Variants in COL18A1 observed in about 807,000 individuals in gnomAD.
COL18A1 encodes collagen type XVIII alpha 1 chain, also known as collagen alpha-1(XVIII) chain.
A neutral mutation model predicts 168.0 loss-of-function variants in COL18A1; 133 were observed. The observed-to-expected ratio is 0.79, with a 90% confidence interval of 0.69 to 0.91. The LOEUF (loss-of-function observed/expected upper bound fraction) is 0.91, where lower values mean the gene tolerates loss of function less well. COL18A1 is among the 40% of genes least tolerant of loss of function. COL18A1 has a pLI of 0.00. For missense variants in COL18A1, 2,126 were observed against 1,925.4 expected, an observed-to-expected ratio of 1.10 and a Z score of -1.95; for synonymous variants, 949 against 809.0, an observed-to-expected ratio of 1.17 and a Z score of -2.94.
At chr21:45,490,030 T>G (rs1602533041) in intron 19 of COL18A1, among the ~76,000 whole-genome samples, 1 of 1,216 alleles carries the variant, frequency 8.2e-4, no homozygotes, top group South Asian at 0.071. Flanking sequence ...CCTCCCCCAC[T>G]TCCCCGTCCC....
intron 12 of COL18A1, 51 bp from the exon 13 acceptor site, chr21:45,480,649 C>T (rs1275171820): frequency 1.2e-6 from 2 of 1,611,300 alleles, no homozygotes; most frequent in Non-Finnish European, 1.7e-6. Flanking sequence ...TGGTGGTCAT[C>T]CCTGGTGGGT....
chr21:45,411,038 G>T (rs771790918), intron 2 of COL18A1, among the ~76,000 whole-genome samples: 1 of 152,200 alleles, frequency 6.6e-6, no homozygotes, highest in Non-Finnish European at 1.5e-5. Context: ...GTTTTGGGAG[G>T]AATCACTCAA....
Position 45,497,592 on chromosome 21 carries a change from C to A in COL18A1, c.2621-7C>A, listed in dbSNP as rs776722237. ...TCCTGATGGGCACTGGGTCTCTCTTCCTCCAGGGAATCAGGGCCCTCCAGG... is the reference window on the plus strand; with the variant it reads ...TCCTGATGGGCACTGGGTCTCTCTTACTCCAGGGAATCAGGGCCCTCCAGG... On this transcript the variant is annotated splice_region_variant and splice_polypyrimidine_tract_variant and intron_variant, in intron 31 of 41. Coordinates refer to ENST00000651438, the MANE Select transcript of COL18A1 (RefSeq NM_001379500.1). 3 of 1,558,528 alleles carry A rather than the reference C, an allele frequency of 1.9e-6. No individual in the cohort carries two copies. The highest frequency in any genetic ancestry group is 1.4e-5 in the African/African-American group (1 of 73,370).
intron 32 of COL18A1, 51 bp from the exon 33 acceptor site, chr21:45,503,960 G>T (rs79785371): frequency 9.9e-6 from 16 of 1,609,576 alleles, no homozygotes; most frequent in South Asian, 3.3e-5. Flanking sequence ...GAGGGAACCC[G>T]GCGCTGTCAG....
rs1010199710 is a variant in COL18A1, at chr21:45,477,790, G to A, written c.1046G>A (p.Gly349Asp). ...KGQKGEPGVP[G>D]PPGRAGPPGS... Reference sequence around the variant, plus strand: ...CAGAAAGGGGAGCCAGGTGTTCCGGGCCCACCTGGCCGGGCAGGCCCCCCA... The same window carrying A: ...CAGAAAGGGGAGCCAGGTGTTCCGGACCCACCTGGCCGGGCAGGCCCCCCA... The change falls in exon 8 of 42, where the codon GGC (glycine) becomes GAC (aspartate). Residue 349 changes from glycine to aspartate, a missense_variant. Gly to Asp is a moderately conservative substitution (Grantham distance 94). Coordinates refer to ENST00000651438, the MANE Select transcript of COL18A1 (RefSeq NM_001379500.1). 3 of 1,547,940 alleles carry A rather than the reference G, an allele frequency of 1.9e-6. 1 individual carries two copies. The South Asian group carries it at 3.6e-5, about 18-fold the overall frequency.
chr21:45,409,194 AGAC>A, intron 2 of COL18A1, among the ~76,000 whole-genome samples: 1 of 152,250 alleles, frequency 6.6e-6, no homozygotes, highest in Admixed American at 6.5e-5. Context: ...TCAGAGAACA[AGAC>A]GACAGGCCTG....
chr21:45,410,069 T>C (rs1602326447), intron 2 of COL18A1: 1 of 152,224 alleles, frequency 6.6e-6, no homozygotes, highest in Non-Finnish European at 1.5e-5. Context: ...GGGAAGTGTC[T>C]GTGCCCCGTG....
chr21:45,493,202 G>A lies in COL18A1; in HGVS notation c.2254G>A (p.Glu752Lys), dbSNP rs370009347. 3.7e-5 allele frequency: 58 copies of A among 1,562,626 alleles called. No homozygotes were observed. The highest frequency in any genetic ancestry group is 5.4e-5 in the African/African-American group (4 of 73,714). The change falls in exon 25 of 42, where the codon GAA (glutamate) becomes AAA (lysine). Residue 752 changes from glutamate to lysine, a missense_variant. Physicochemically the swap from Glu to Lys is moderately conservative, Grantham distance 56. Transcript: ENST00000651438. ...CAAGGGCAACCTGGGCTCTAAGGGC[G>A]AACGAGGCTCCCCGGGACCCAAGGT... The part of the protein sequence containing the change: ...GPKGNLGSKG[E>K]RGSPGPKGEK...
At chr21:45,413,166 G>T (rs568004352) in intron 2 of COL18A1, among the ~76,000 whole-genome samples, 11 of 152,370 alleles carry the variant, frequency 7.2e-5, no homozygotes, top group African/African-American at 2.6e-4. Context: ...CCTTAGGGCA[G>T]AGCCCCGTAG....
At position 45,497,677 on chromosome 21, in the gene COL18A1, C is replaced by T; in HGVS notation, c.2683+16C>T. 6.4e-7 allele frequency: 1 copy of T among 1,560,560 alleles called. No homozygotes were observed. The highest frequency in any genetic ancestry group is 8.7e-7 in the Non-Finnish European group (1 of 1,152,822). On this transcript the variant is annotated intron_variant, in intron 32 of 41. Transcript: ENST00000651438. ...GGACCACCAGGTGAGCAACTCTGGA[C>T]ATCCCAGGCAGGAGAGCCATGGCGT...
At chr21:45,469,386 G>A (rs2035334027) in intron 3 of COL18A1, among the ~76,000 whole-genome samples, 1 of 152,250 alleles carries the variant, frequency 6.6e-6, no homozygotes, top group Non-Finnish European at 1.5e-5. Context: ...CACACCCGCT[G>A]GGACCAGGGG....
chr21:45,506,441 C>T (rs901242979), intron 37 of COL18A1: 4 of 278,692 alleles, frequency 1.4e-5, no homozygotes, highest in Non-Finnish European at 2.8e-5. Flanking sequence ...ACGGGCCTTG[C>T]TCACCAGCCT....
chr21:45,443,458 G>A lies in COL18A1; in HGVS notation c.107-24784G>A, dbSNP rs776897596. Among the ~76,000 whole-genome samples, 9 of 152,120 alleles carry A rather than the reference G, an allele frequency of 5.9e-5. No individual in the cohort carries two copies. Among genetic ancestry groups the A allele is most frequent in the Non-Finnish European group, 1.0e-4 (7 of 68,004 alleles). Reference sequence around the variant, plus strand: ...GGCCCTCACAGCCCAGCTCGGCATCGCAGCAGAGTCCCGGTGGTGGAGATG... The same window carrying A: ...GGCCCTCACAGCCCAGCTCGGCATCACAGCAGAGTCCCGGTGGTGGAGATG... On this transcript the variant is annotated intron_variant, in intron 2 of 41. Coordinates refer to ENST00000651438, the MANE Select transcript of COL18A1 (RefSeq NM_001379500.1). This position sits in a 1 kb window ranked among gnomAD's most constrained non-coding sequence, Gnocchi z 5.2.
At chr21:45,410,538 G>A (rs1160318263) in intron 2 of COL18A1, among the ~76,000 whole-genome samples, 7 of 152,148 alleles carry the variant, frequency 4.6e-5, no homozygotes, top group Admixed American at 3.9e-4. Flanking sequence ...GGCGGAACTC[G>A]CACCCACCCC....
chr21:45,489,849 G>GCCTCCCCCACTTCCC (rs2036239789), intron 19 of COL18A1, among the ~76,000 whole-genome samples: 1 of 20,896 alleles, frequency 4.8e-5, no homozygotes, highest in Non-Finnish European at 1.0e-4. Context: ...CCCCCACACT[G>GCCTCCCCCACTTCCC]CCTCCCCCAC....
chr21:45,476,567 G>A, intron 6 of COL18A1, 87 bp downstream of exon 6: 1 of 1,471,608 alleles, frequency 6.8e-7, no homozygotes, highest in Non-Finnish European at 9.3e-7. Context: ...AGGTATGTGT[G>A]TGATGTATGG....
In COL18A1 at chr21:45,463,999, G is replaced by A. The variant is rs768259969; in HGVS notation, c.107-4243G>A. ...GATGCCACCCAGCTATGCCAAATGC[G>A]GGGAGAAACTCCCTATGGGCACTGT... On this transcript the variant is annotated intron_variant, in intron 2 of 41. Coordinates refer to ENST00000651438, the MANE Select transcript of COL18A1 (RefSeq NM_001379500.1). The surrounding 1 kb of genome is among the most constrained non-coding windows in gnomAD (Gnocchi z 4.0). Among the ~76,000 whole-genome samples the A allele has an allele frequency of 9.2e-5, 14 of 152,222 alleles. No individual in the cohort carries two copies. Among genetic ancestry groups the A allele is most frequent in the African/African-American group, 2.7e-4 (11 of 41,470 alleles).
chr21:45,414,908 C>G (rs370315981), intron 2 of COL18A1, among the ~76,000 whole-genome samples: 1 of 152,060 alleles, frequency 6.6e-6, no homozygotes, highest in African/African-American at 2.4e-5. Flanking sequence ...CACGTCATTA[C>G]GAGGGTCCTT....
chr21:45,497,704 G>T (rs1201369620), intron 32 of COL18A1, 43 bp downstream of exon 32: 1 of 1,551,118 alleles, frequency 6.4e-7, no homozygotes, highest in Non-Finnish European at 8.7e-7. Flanking sequence ...CCATGGCGTG[G>T]CCAGCACTGA....
Sources: allele counts gnomAD v4.1 joint callset (sites outside exome capture counted in the v4.1 genomes callset), GRCh38; gene constraint gnomAD v4.1.1; non-coding constraint Gnocchi (gnomAD v3.1); transcripts MANE v1.5; gene names NCBI Gene and HGNC (gene_info 2026-07-23, HGNC 2026-07-21).